Variants in KREMEN1 observed in about 807,000 individuals in gnomAD.
KREMEN1 encodes kremen protein 1.
KREMEN1 carries 30 observed loss-of-function variants against 46.5 expected under a neutral mutation model. The ratio of observed to expected loss-of-function variants is 0.65; its 90% CI spans 0.48 to 0.88. The LOEUF (loss-of-function observed/expected upper bound fraction) is 0.88. KREMEN1 is among the 40% of genes least tolerant of loss of function. The pLI is 0.00. For synonymous variants in KREMEN1, 214 were observed against 230.6 expected (o/e 0.93, Z 0.65); for missense variants, 533 against 596.9 (o/e 0.89, Z 1.11).
At chr22:29,141,299 CTGTGTGTGTGTGTA>C (rs1569336349) in intron 8 of KREMEN1, among the ~76,000 whole-genome samples, 1 of 146,064 alleles carries the variant, frequency 6.8e-6, no homozygotes, top group African/African-American at 2.7e-5. Flanking sequence ...GTGTGTGTGT[CTGTGTGTGTGTGTA>C]TGTGTGTTTT....
intron 1 of KREMEN1, among the ~76,000 whole-genome samples, chr22:29,079,420 C>CTAG (rs1662439409): frequency 6.6e-6 from 1 of 152,256 alleles, no homozygotes. Flanking sequence ...GGCCCAGCTT[C>CTAG]TAGCTTCCCT....
chr22:29,134,070 T>C (rs2038616933), intron 5 of KREMEN1: 1 of 152,118 alleles, frequency 6.6e-6, no homozygotes, highest in South Asian at 2.1e-4. Context: ...TATATTAGCA[T>C]GGCCCCTGTG....
In KREMEN1 at chr22:29,094,393, G is replaced by C. The variant is rs73390888; in HGVS notation, c.233G>C (p.Gly78Ala). 331 of 1,613,700 alleles carry C rather than the reference G, an allele frequency of 2.1e-4. No individual in the cohort carries two copies. The African/African-American group carries it at 4.1e-3, about 20-fold the overall frequency. ...YNTLKYPNGE[G>A]GLGEHNYCRN... is the part of the protein sequence containing the mutation. Reference sequence around the variant, plus strand: ...ACTCTGAAATACCCCAACGGGGAGGGGGGCCTGGGTGAGCACAACTATTGC... The same window carrying C: ...ACTCTGAAATACCCCAACGGGGAGGCGGGCCTGGGTGAGCACAACTATTGC... The change falls in exon 2 of 9, where the codon GGG becomes GCG. Residue 78 changes from glycine to alanine, a missense_variant. Coordinates refer to ENST00000400335, the MANE Select transcript of KREMEN1 (RefSeq NM_001039570.3).
intron 1 of KREMEN1, among the ~76,000 whole-genome samples, chr22:29,093,475 C>T (rs1220696911): frequency 6.6e-6 from 1 of 152,198 alleles, no homozygotes; most frequent in African/African-American, 2.4e-5. Context: ...TCCTATCAGC[C>T]TCAGTCCCCA....
At chr22:29,138,918 T>G in intron 7 of KREMEN1, 136 bp downstream of exon 7, 1 of 1,268,772 alleles carries the variant, frequency 7.9e-7, no homozygotes, top group Non-Finnish European at 1.1e-6. Flanking sequence ...CTGTGACCTA[T>G]AGTCTGTCCT....
At chr22:29,138,498 A>T (rs1237510503) in intron 6 of KREMEN1, 126 bp from the exon 7 acceptor site, 1 of 949,476 alleles carries the variant, frequency 1.1e-6, no homozygotes, top group South Asian at 1.5e-5. Context: ...GGACCCACCT[A>T]TGGAAGGAAT....
chr22:29,082,305 C>T (rs2037667803), intron 1 of KREMEN1, among the ~76,000 whole-genome samples: 3 of 152,216 alleles, frequency 2.0e-5, no homozygotes, highest in Non-Finnish European at 2.9e-5. Flanking sequence ...AATCCTCCCA[C>T]CTTGGCCTCC....
chr22:29,121,544 A>T, intron 4 of KREMEN1, 63 bp downstream of exon 4: 1 of 1,567,202 alleles, frequency 6.4e-7, no homozygotes, highest in South Asian at 1.1e-5. Flanking sequence ...TTTTGCTGAG[A>T]TAACTTAAAA....
intron 4 of KREMEN1, among the ~76,000 whole-genome samples, chr22:29,124,835 A>G (rs1174623134): frequency 6.6e-6 from 1 of 152,196 alleles, no homozygotes; most frequent in African/African-American, 2.4e-5. Context: ...TTATAGAACT[A>G]TATGCCAAAA....
At chr22:29,126,200 C>T (rs760180964) in intron 5 of KREMEN1, among the ~76,000 whole-genome samples, 42 of 151,658 alleles carry the variant, frequency 2.8e-4, no homozygotes, top group Non-Finnish European at 2.8e-4. Flanking sequence ...AGGTGCGCTA[C>T]TGGCATCTCA....
At chr22:29,164,761 A>AAC (rs2039039427) in intron 9 of KREMEN1, among the ~76,000 whole-genome samples, 1 of 150,602 alleles carries the variant, frequency 6.6e-6, no homozygotes, top group Admixed American at 6.6e-5. Context: ...AAAAAACAAA[A>AAC]AAAAAAACCC....
intron 5 of KREMEN1, among the ~76,000 whole-genome samples, chr22:29,126,034 C>T (rs1364390925): frequency 6.6e-6 from 1 of 151,782 alleles, no homozygotes; most frequent in Non-Finnish European, 1.5e-5. Flanking sequence ...TCATAATCCA[C>T]CAGCATCCTC....
chr22:29,101,178 G>A (rs2037969161), intron 3 of KREMEN1, among the ~76,000 whole-genome samples: 1 of 150,300 alleles, frequency 6.7e-6, no homozygotes, highest in African/African-American at 2.5e-5. Context: ...CTTGAACCTG[G>A]GAGGCAGAGA....
At chr22:29,074,033 C>T (rs1041435451) in intron 1 of KREMEN1, among the ~76,000 whole-genome samples, 22 of 152,340 alleles carry the variant, frequency 1.4e-4, no homozygotes, top group Admixed American at 6.5e-5. Flanking sequence ...CGGTGGAACC[C>T]GGCGCCTCCC....
In KREMEN1 at chr22:29,145,553, A is replaced by AGCTGTG; in HGVS notation, c.*3444_*3449dup. On this transcript the variant is annotated 3_prime_UTR_variant, in exon 9 of 9. Coordinates refer to ENST00000400335, the MANE Select transcript of KREMEN1 (RefSeq NM_001039570.3). ...TCTCCGTGGTGACAGTGTCTTGGCC[A>AGCTGTG]GCTGTGGCCCCTAGTTTCTAGCAGC... 1 of 985,522 alleles carries AGCTGTG rather than the reference A, an allele frequency of 1.0e-6. No individual in the cohort carries two copies. The highest frequency in any genetic ancestry group is 4.7e-5 in the South Asian group (1 of 21,284). 61.0% of individuals were successfully genotyped at this position (985,522 alleles called of 1,614,324 possible).
chr22:29,126,873 C>T (rs978134160), intron 5 of KREMEN1, among the ~76,000 whole-genome samples: 2 of 152,122 alleles, frequency 1.3e-5, no homozygotes, highest in Non-Finnish European at 2.9e-5. Flanking sequence ...ATGTCCAGAC[C>T]AATGCTTAGT....
chr22:29,152,957 T>TA (rs1601821202), intron 9 of KREMEN1, among the ~76,000 whole-genome samples: 1 of 152,206 alleles, frequency 6.6e-6, no homozygotes, highest in South Asian at 2.1e-4. Flanking sequence ...TGAGTAGACT[T>TA]ACGGTTATTT....
chr22:29,105,478 T>TAC (rs10642386), intron 3 of KREMEN1, among the ~76,000 whole-genome samples: 12,455 of 146,726 alleles, frequency 0.085, 608 homozygotes, highest in African/African-American at 0.14. Context: ...CACACACACA[T>TAC]ACACACACAC....
At chr22:29,146,854 T>C (rs2038873572), downstream of KREMEN1, 3 of 908,642 alleles carry the variant, frequency 3.3e-6, no homozygotes, top group Non-Finnish European at 3.9e-6. Flanking sequence ...TCTATGGGAG[T>C]TCCCCAGAGA....
Sources: gnomAD v4.1 joint callset for allele counts (sites outside exome capture counted in the v4.1 genomes callset) on GRCh38, gnomAD v4.1.1 for gene constraint, MANE v1.5 for transcripts, NCBI Gene and HGNC (gene_info 2026-07-23, HGNC 2026-07-21) for gene names.